Variants in ANO3 observed in about 807,000 individuals in gnomAD.
ANO3 encodes the protein anoctamin 3, also known as anoctamin-3.
Under a neutral mutation model 144.8 loss-of-function variants are expected in ANO3, and 99 were observed. That is an observed-to-expected ratio of 0.68 (90% CI 0.58 to 0.81). The LOEUF is 0.81. Among genes scored for constraint, ANO3 ranks in the 30% least tolerant of loss-of-function variants. The probability of loss-of-function intolerance (pLI) is 0.00; values close to 1 mark genes in which losing one functional copy is unlikely to be tolerated. For synonymous variants in ANO3, 414 were observed against 392.6 expected (o/e 1.05, Z -0.64); for missense variants, 905 against 1,202.2 (o/e 0.75, Z 3.66).
intron 1 of ANO3, among the ~76,000 whole-genome samples, chr11:26,416,545 A>G (rs994990549): frequency 4.0e-5 from 6 of 151,296 alleles, no homozygotes; most frequent in African/African-American, 7.3e-5. Flanking sequence ...CCCTGCATCA[A>G]CCTCCCGAGT....
chr11:26,638,234 G>A (rs1372457591), intron 20 of ANO3, among the ~76,000 whole-genome samples: 1 of 152,094 alleles, frequency 6.6e-6, no homozygotes, highest in Non-Finnish European at 1.5e-5. Flanking sequence ...AGGGAAAAAT[G>A]AGCAGCTTTC....
intron 24 of ANO3, among the ~76,000 whole-genome samples, chr11:26,648,715 G>A (rs997737679): frequency 2.0e-5 from 3 of 152,204 alleles, no homozygotes; most frequent in East Asian, 1.9e-4. Context: ...TTTGAGGAAC[G>A]GAGAGGAGTT....
chr11:26,568,055 T>C (rs1850665987), intron 14 of ANO3, among the ~76,000 whole-genome samples: 1 of 152,014 alleles, frequency 6.6e-6, no homozygotes. Context: ...TCAACCTGAT[T>C]GTGATTACAT....
intron 4 of ANO3, among the ~76,000 whole-genome samples, chr11:26,476,069 G>A (rs1859956492): frequency 1.3e-5 from 2 of 152,066 alleles, no homozygotes; most frequent in African/African-American, 4.8e-5. Flanking sequence ...GGTGCAGATA[G>A]CACATTTGAG....
intron 4 of ANO3, among the ~76,000 whole-genome samples, chr11:26,476,998 G>C (rs1860009703): frequency 1.3e-5 from 2 of 150,134 alleles, no homozygotes; most frequent in Non-Finnish European, 3.0e-5. Flanking sequence ...ATTTTGTTTT[G>C]TTTCCTGCAA....
rs372622053 is a variant in ANO3, at chr11:26,387,130, A to ATT, written c.47-54766_47-54765dup. Reference sequence around the variant, plus strand: ...TATAGTTATTTGATGCAAATGTAGTATTTTTTTTTTTTTTTTTTTTTTTAG... The same window carrying ATT: ...TATAGTTATTTGATGCAAATGTAGTATTTTTTTTTTTTTTTTTTTTTTTTTAG... On this transcript the variant is annotated intron_variant, in intron 1 of 26. Coordinates refer to ENST00000256737, the MANE Select transcript of ANO3 (RefSeq NM_031418.4). 1.2e-3 allele frequency among the ~76,000 whole-genome samples: 148 copies of ATT among 128,346 alleles called. 2 individuals carry two copies. The highest frequency in any genetic ancestry group is 2.4e-3 in the African/African-American group (87 of 36,436). The allele number at this position is 128,346 out of a possible 152,430, so 84.2% of individuals were successfully genotyped here.
chr11:26,504,902 C>A (rs1263900303), intron 4 of ANO3, among the ~76,000 whole-genome samples: 1 of 151,148 alleles, frequency 6.6e-6, no homozygotes, highest in Non-Finnish European at 1.5e-5. Context: ...GTCCGAGCTA[C>A]TCGGGAGGCT....
intron 5 of ANO3, among the ~76,000 whole-genome samples, chr11:26,516,393 T>C (rs1374437373): frequency 2.6e-5 from 4 of 151,642 alleles, no homozygotes; most frequent in East Asian, 3.9e-4. Context: ...GAGGACCTAG[T>C]AGGTACTCAG....
chr11:26,564,119 T>A (rs150290403), intron 14 of ANO3, among the ~76,000 whole-genome samples: 78 of 151,892 alleles, frequency 5.1e-4, no homozygotes, highest in Admixed American at 1.3e-3. Context: ...TAACTAAATT[T>A]TTTTTTACAT....
chr11:26,200,765 T>C (rs939349174), intron 1 of ANO3, among the ~76,000 whole-genome samples: 2 of 152,280 alleles, frequency 1.3e-5, no homozygotes, highest in African/African-American at 2.4e-5. Flanking sequence ...GAGAGTATTG[T>C]CCTCTTGGTA....
chr11:26,456,939 A>C (rs1024027111), intron 3 of ANO3, among the ~76,000 whole-genome samples: 5 of 150,524 alleles, frequency 3.3e-5, no homozygotes, highest in Non-Finnish European at 7.4e-5. Context: ...CATGGATGAA[A>C]TTGGAAATCA....
chr11:26,353,008 A>G (rs1855687413), intron 1 of ANO3, among the ~76,000 whole-genome samples: 1 of 152,214 alleles, frequency 6.6e-6, no homozygotes, highest in South Asian at 2.1e-4. Flanking sequence ...GAAAGTACAG[A>G]GATTTATTGC....
intron 7 of ANO3, among the ~76,000 whole-genome samples, chr11:26,526,166 G>A (rs77946659): frequency 0.088 from 13,362 of 151,988 alleles, 828 homozygotes; most frequent in Admixed American, 0.14. Context: ...TTCTAACCCC[G>A]GAAGGTACCG....
At chr11:26,515,676 C>T (rs923511379) in intron 5 of ANO3, among the ~76,000 whole-genome samples, 3 of 151,864 alleles carry the variant, frequency 2.0e-5, no homozygotes, top group African/African-American at 7.2e-5. Flanking sequence ...AATAATTCTA[C>T]CCTACTCTTG....
chr11:26,523,454 A>G (rs1442780924), intron 6 of ANO3, among the ~76,000 whole-genome samples: 1 of 152,196 alleles, frequency 6.6e-6, no homozygotes, highest in Non-Finnish European at 1.5e-5. Flanking sequence ...AGAAATGGAC[A>G]GGGGACTGCT....
intron 1 of ANO3, among the ~76,000 whole-genome samples, chr11:26,268,807 C>T (rs1315728492): frequency 1.3e-5 from 2 of 152,122 alleles, no homozygotes; most frequent in African/African-American, 2.4e-5. Flanking sequence ...TTAATTGCCC[C>T]ACACAACACA....
chr11:26,191,497 C>A (rs1851477570), intron 1 of ANO3, among the ~76,000 whole-genome samples: 1 of 152,002 alleles, frequency 6.6e-6, no homozygotes, highest in African/African-American at 2.4e-5. Flanking sequence ...AACCTCCTGC[C>A]CATGGATGGC....
At chr11:26,516,125 T>C (rs294012) in intron 5 of ANO3, among the ~76,000 whole-genome samples, 120,288 of 151,564 alleles carry the variant, frequency 0.79, 47,894 homozygotes, top group East Asian at 0.85. Context: ...AATATGCAAA[T>C]AATCCTGCAA....
intron 1 of ANO3, among the ~76,000 whole-genome samples, chr11:26,254,596 G>A (rs12224061): frequency 0.36 from 53,977 of 151,834 alleles, 9,704 homozygotes; most frequent in South Asian, 0.39. Flanking sequence ...ATTCCACTAC[G>A]CTTATGCATT....
Sources: gnomAD v4.1 joint callset for allele counts (sites outside exome capture counted in the v4.1 genomes callset) on GRCh38, gnomAD v4.1.1 for gene constraint, MANE v1.5 for transcripts, NCBI Gene and HGNC (gene_info 2026-07-23, HGNC 2026-07-21) for gene names.